The following SLC35D4 variants were observed in gnomAD, a reference collection of about 807,000 sequenced individuals.
SLC35D4 encodes the protein UDP-N-acetylglucosamine transporter SLC35D4.
the SLC35D4 span, chr18:23,370,182 C>T: frequency 6.4e-7 from 1 of 1,571,960 alleles, no homozygotes; most frequent in Non-Finnish European, 8.6e-7. Flanking sequence ...AAGAGCTAAA[C>T]TCCATCTCAA....
chr18:23,251,690 A>C, the SLC35D4 span, among the ~76,000 whole-genome samples: 1 of 152,228 alleles, frequency 6.6e-6, no homozygotes, highest in Non-Finnish European at 1.5e-5. Context: ...AGGAAACTCA[A>C]GTTTCCAAAG....
At chr18:23,408,564 C>T in the SLC35D4 span, among the ~76,000 whole-genome samples, 5 of 152,188 alleles carry the variant, frequency 3.3e-5, no homozygotes, top group Admixed American at 6.5e-5. Context: ...GACAGCTACT[C>T]GGTTTTCAAG....
chr18:23,297,234 G>A, the SLC35D4 span: 3 of 152,164 alleles, frequency 2.0e-5, no homozygotes, highest in African/African-American at 7.2e-5. Context: ...AAATAAAAAT[G>A]AGAAAGGCCG....
At chr18:23,374,801 AG>A in the SLC35D4 span, among the ~76,000 whole-genome samples, 1 of 152,002 alleles carries the variant, frequency 6.6e-6, no homozygotes, top group South Asian at 2.1e-4. Context: ...TGACATCTTT[AG>A]GGGAAAAAAA....
chr18:23,432,979 CAAAAA>C, the SLC35D4 span, among the ~76,000 whole-genome samples: 2 of 98,362 alleles, frequency 2.0e-5, no homozygotes, highest in African/African-American at 3.8e-5. Flanking sequence ...GACTCTGTCT[CAAAAA>C]AAAAAAAAAA....
the SLC35D4 span, among the ~76,000 whole-genome samples, chr18:23,371,935 G>GTTTTTTTTTTGTTTTTTTTTT: frequency 2.8e-5 from 1 of 35,470 alleles, no homozygotes; most frequent in Non-Finnish European, 4.9e-5. Context: ...TGTTTTTTTT[G>GTTTTTTTTTTGTTTTTTTTTT]TTTTTTTTTT....
chr18:23,289,600 A>C, the SLC35D4 span, among the ~76,000 whole-genome samples: 1 of 151,958 alleles, frequency 6.6e-6, no homozygotes, highest in East Asian at 1.9e-4. Flanking sequence ...CCATCTCAAC[A>C]CTTTACCACT....
the SLC35D4 span, among the ~76,000 whole-genome samples, chr18:23,256,269 C>T: frequency 6.6e-6 from 1 of 152,226 alleles, no homozygotes; most frequent in Non-Finnish European, 1.5e-5. Context: ...CCTTCCTTTC[C>T]AGCTCCAGCA....
At chr18:23,358,090 GA>G in the SLC35D4 span, among the ~76,000 whole-genome samples, 2 of 152,200 alleles carry the variant, frequency 1.3e-5, no homozygotes, top group Non-Finnish European at 2.9e-5. Flanking sequence ...AGAGTGGCCA[GA>G]GCCCTCCATT....
the SLC35D4 span, among the ~76,000 whole-genome samples, chr18:23,388,954 TC>T: frequency 6.6e-6 from 1 of 151,750 alleles, no homozygotes; most frequent in Non-Finnish European, 1.5e-5. Context: ...CAATTAAACA[TC>T]TTTTCTTCAT....
At chr18:23,328,185 T>C in the SLC35D4 span, among the ~76,000 whole-genome samples, 2 of 152,132 alleles carry the variant, frequency 1.3e-5, no homozygotes, top group African/African-American at 4.8e-5. Flanking sequence ...TTCAACATAG[T>C]GTTGGAAGTT....
chr18:23,286,759 C>T, the SLC35D4 span, among the ~76,000 whole-genome samples: 54 of 152,182 alleles, frequency 3.5e-4, no homozygotes, highest in Middle Eastern at 6.8e-3. Context: ...CCAACTTAGA[C>T]AATACTCTTT....
At chr18:23,267,590 C>A in the SLC35D4 span, among the ~76,000 whole-genome samples, 2 of 152,206 alleles carry the variant, frequency 1.3e-5, no homozygotes, top group Non-Finnish European at 2.9e-5. Flanking sequence ...GGCTCTCCGG[C>A]TGCCCACTCC....
chr18:23,359,383 C>CAAA, the SLC35D4 span, among the ~76,000 whole-genome samples: 5 of 92,774 alleles, frequency 5.4e-5, no homozygotes, highest in African/African-American at 1.1e-4. Flanking sequence ...GACTCCATCT[C>CAAA]AAAAAAAAAA....
At chr18:23,253,671 T>TTCGAG in the SLC35D4 span, 11,624 of 1,428,586 alleles carry the variant, frequency 8.1e-3, 76 homozygotes, top group African/African-American at 0.025. Flanking sequence ...GGAGTTTTTC[T>TTCGAG]GTCCACTGAA....
the SLC35D4 span, among the ~76,000 whole-genome samples, chr18:23,413,520 A>G: frequency 0.016 from 2,409 of 152,206 alleles, 72 homozygotes; most frequent in African/African-American, 0.055. Flanking sequence ...CTCCAGCACC[A>G]CCTTATCTAC....
chr18:23,282,610 C>T, the SLC35D4 span, among the ~76,000 whole-genome samples: 1 of 152,088 alleles, frequency 6.6e-6, no homozygotes, highest in East Asian at 1.9e-4. Flanking sequence ...ACCCTGGGGC[C>T]CCCAAGTGAG....
At chr18:23,375,709 CTTCA>C in the SLC35D4 span, among the ~76,000 whole-genome samples, 8 of 152,240 alleles carry the variant, frequency 5.3e-5, no homozygotes, top group Admixed American at 1.3e-4. Context: ...GTACACAGGA[CTTCA>C]TTCATTACAT....
the SLC35D4 span, among the ~76,000 whole-genome samples, chr18:23,255,893 T>TG: frequency 6.6e-6 from 1 of 152,118 alleles, no homozygotes; most frequent in African/African-American, 2.4e-5. Context: ...GTAACAGATA[T>TG]TTATAAAATT....
Sources: allele counts gnomAD v4.1 joint callset (sites outside exome capture counted in the v4.1 genomes callset), GRCh38; gene constraint gnomAD v4.1.1; transcripts MANE v1.5; gene names NCBI Gene and HGNC (gene_info 2026-07-23, HGNC 2026-07-21).